MASP1: variants seen among roughly 807,000 people sequenced by gnomAD.
The protein encoded by MASP1 is MBL associated serine protease 1.
Under a neutral mutation model 77.1 loss-of-function variants are expected in MASP1, and 59 were observed. That is an observed-to-expected ratio of 0.77 (90% CI 0.62 to 0.95). The LOEUF is 0.95. MASP1 is among the 40% of genes least tolerant of loss of function. The probability of loss-of-function intolerance (pLI) is 0.00; values close to 1 mark genes in which losing one functional copy is unlikely to be tolerated. For missense variants in MASP1, 885 were observed against 912.9 expected (o/e 0.97, Z 0.39); for synonymous variants, 362 against 354.5 (o/e 1.02, Z -0.24).
intron 15 of MASP1, chr3:187,220,399 G>C (rs1277846348): frequency 1.4e-6 from 1 of 691,978 alleles, no homozygotes; most frequent in East Asian, 2.7e-5. Flanking sequence ...CTCAGCTCTG[G>C]GCAGTTCTAG....
chr3:187,288,163 T>C (rs913796598), intron 1 of MASP1, among the ~76,000 whole-genome samples: 8 of 152,244 alleles, frequency 5.3e-5, no homozygotes, highest in Non-Finnish European at 7.3e-5. Flanking sequence ...GAGATTCTAT[T>C]AAGAAAACAA....
At chr3:187,245,083 C>T (rs530149848) in intron 8 of MASP1, 1 of 152,310 alleles carries the variant, frequency 6.6e-6, no homozygotes, top group Admixed American at 6.5e-5. Context: ...GCCTCTAGTC[C>T]AATCACCCTG....
rs549330397 is a variant in MASP1, at chr3:187,236,092, C to T, written c.1779G>A (p.Trp593Ter). The T allele has an allele frequency of 6.2e-7, 1 of 1,613,994 alleles. No homozygotes were observed. Among genetic ancestry groups the T allele is most frequent in the South Asian group, 1.1e-5 (1 of 91,080 alleles). ...CTGTCACATTGGGATTGGAGATGCC[C>T]CAGCCGGCCACCAGGCCCAGCATGT... ...APHMLGLVAG[W>*]GISNPNVTVD... The change falls in exon 11 of 11, where the codon TGG becomes TGA. Residue 593 changes from tryptophan (W) to a stop codon, truncating the protein, a stop_gained. Transcript: ENST00000296280. LOFTEE classifies it high-confidence loss of function.
intron 1 of MASP1, chr3:187,291,359 G>A (rs1410981894): frequency 2.0e-5 from 11 of 559,790 alleles, no homozygotes; most frequent in Admixed American, 1.2e-4. Flanking sequence ...CCCTGTGCAG[G>A]CAGTGGGAGA....
downstream of MASP1, among the ~76,000 whole-genome samples, chr3:187,231,199 T>G (rs1182698158): frequency 6.6e-6 from 1 of 152,264 alleles, no homozygotes; most frequent in Non-Finnish European, 1.5e-5. Context: ...TCTTCAGAAC[T>G]AATTTTTCAC....
exon 16 of MASP1, chr3:187,219,929 TAC>T: frequency 1.2e-6 from 1 of 808,672 alleles, no homozygotes. Context: ...GGGGTGAAGA[TAC>T]CTGCTCTATT....
Position 187,243,616 on chromosome 3 carries a change from C to G in MASP1, c.1096G>C (p.Asp366His). 4.3e-6 allele frequency: 7 copies of G among 1,614,218 alleles called. No individual in the cohort carries two copies. The highest frequency in any genetic ancestry group is 4.2e-6 in the Non-Finnish European group (5 of 1,180,052). ...TCCAGCTCTCCTGGGGCTCTACAGTCTACAACTGAGAGAGAAGAAGTGAGA... is the reference window on the plus strand; with the variant it reads ...TCCAGCTCTCCTGGGGCTCTACAGTGTACAACTGAGAGAGAAGAAGTGAGA... Reference protein sequence around the residue: ...SNKIPTCKIVDCRAPGELEHG... With the variant: ...SNKIPTCKIVHCRAPGELEHG... Residue 366 changes from aspartate (D) to histidine (H), a missense_variant, in exon 9 of 11, where the codon GAC becomes CAC. Physicochemically the swap from Asp to His is moderately conservative, Grantham distance 81. Coordinates refer to ENST00000296280, the MANE Select transcript of MASP1 (RefSeq NM_139125.4).
intron 14 of MASP1, among the ~76,000 whole-genome samples, chr3:187,222,527 G>A (rs1712123768): frequency 6.6e-6 from 1 of 152,214 alleles, no homozygotes; most frequent in Non-Finnish European, 1.5e-5. Context: ...TCAGAGCCAA[G>A]CAACTCTTTG....
At chr3:187,267,632 T>G (rs1716151449) in intron 2 of MASP1, among the ~76,000 whole-genome samples, 1 of 152,262 alleles carries the variant, frequency 6.6e-6, no homozygotes, top group South Asian at 2.1e-4. Context: ...CTGGCTCTGA[T>G]GACCAACAGT....
chr3:187,275,493 C>T (rs698102), intron 2 of MASP1, among the ~76,000 whole-genome samples: 29,239 of 152,030 alleles, frequency 0.19, 3,003 homozygotes, highest in African/African-American at 0.25. Context: ...CCTCCCCAGG[C>T]GGTAGGTGTG....
intron 2 of MASP1, among the ~76,000 whole-genome samples, chr3:187,281,098 C>G (rs1053567865): frequency 8.5e-5 from 13 of 152,240 alleles, no homozygotes; most frequent in African/African-American, 2.9e-4. Flanking sequence ...CATTAACCAG[C>G]CTTGATTCGT....
intron 10 of MASP1, 106 bp downstream of exon 10, chr3:187,241,375 G>A (rs1015554064): frequency 5.7e-6 from 5 of 883,360 alleles, no homozygotes; most frequent in Non-Finnish European, 9.6e-6. Flanking sequence ...AGCAACCAAA[G>A]CATCACCTCC....
At chr3:187,232,868 T>C (rs1441087321), downstream of MASP1, among the ~76,000 whole-genome samples, 1 of 152,216 alleles carries the variant, frequency 6.6e-6, no homozygotes, top group Admixed American at 6.5e-5. Flanking sequence ...CTTATTTTCA[T>C]TCTCAATAGT....
chr3:187,219,341 GT>G (rs973845288), exon 16 of MASP1: 1 of 153,106 alleles, frequency 6.5e-6, no homozygotes, highest in African/African-American at 2.4e-5. Context: ...AGAACCAGGT[GT>G]CTGCCTTCCC....
chr3:187,273,164 T>C (rs188529159), intron 2 of MASP1, among the ~76,000 whole-genome samples: 128 of 152,248 alleles, frequency 8.4e-4, no homozygotes, highest in African/African-American at 2.8e-3. Context: ...GGATACTATT[T>C]CTCCATTTCA....
chr3:187,235,126 G>C lies in MASP1; in HGVS notation c.*558C>G, dbSNP rs72549262. The C allele has an allele frequency of 0.09, 116,280 of 1,287,314 alleles. 6,875 individuals are homozygous for C. Among genetic ancestry groups the C allele is most frequent in the East Asian group, 0.41 (7,442 of 18,012 alleles). 79.7% of individuals were successfully genotyped at this position (1,287,314 alleles called of 1,614,324 possible). ...CCCCAGGCATGAAGGTGCTCCAAGG[G>C]ATCACACTAAGAGAGAGGGGCTTGG... On this transcript the variant is annotated 3_prime_UTR_variant, in exon 11 of 11. Transcript: ENST00000296280.
In MASP1 at chr3:187,234,123, G is replaced by A. The variant is rs1255365897; in HGVS notation, c.*1561C>T. On this transcript the variant is annotated 3_prime_UTR_variant, in exon 11 of 11. Transcript: ENST00000296280. ...GGGTTTATTTCCACTTGAGACCCCT[G>A]ATGGGAGCAACAATGCAGAGGCCCT... is the stretch of plus-strand genomic sequence containing the variant. 7.8e-7 allele frequency: 1 copy of A among 1,285,638 alleles called. No individual in the cohort carries two copies. The highest frequency in any genetic ancestry group is 1.0e-6 in the Non-Finnish European group (1 of 987,418). 79.6% of individuals were successfully genotyped at this position (1,285,638 alleles called of 1,614,324 possible).
chr3:187,234,321 A>T lies in MASP1; in HGVS notation c.*1363T>A. The T allele has an allele frequency of 7.8e-7, 1 of 1,287,182 alleles. No homozygotes were observed. The highest frequency in any genetic ancestry group is 1.0e-6 in the Non-Finnish European group (1 of 988,688). 79.7% of individuals were successfully genotyped at this position (1,287,182 alleles called of 1,614,324 possible). Reference sequence around the variant, plus strand: ...CCTTGCTCTGATGGAGATTTTCAGGAGAGAGAGCTCCAGGGAGAAGGAGAA... The same window carrying T: ...CCTTGCTCTGATGGAGATTTTCAGGTGAGAGAGCTCCAGGGAGAAGGAGAA... On this transcript the variant is annotated 3_prime_UTR_variant, in exon 11 of 11. Transcript: ENST00000296280.
intron 2 of MASP1, 53 bp downstream of exon 2, chr3:187,285,772 G>A (rs1301698769): frequency 1.4e-6 from 2 of 1,404,442 alleles, no homozygotes; most frequent in African/African-American, 1.4e-5. Context: ...ATATTGCCTT[G>A]TCTAAATCCC....
Sources: allele counts gnomAD v4.1 joint callset (sites outside exome capture counted in the v4.1 genomes callset), GRCh38; gene constraint gnomAD v4.1.1; transcripts MANE v1.5; gene names NCBI Gene and HGNC (gene_info 2026-07-23, HGNC 2026-07-21).